The following AFDN variants were observed in gnomAD, a reference collection of about 807,000 sequenced individuals.
AFDN encodes the protein afadin.
In AFDN, 68 loss-of-function variants were observed where a neutral mutation model predicts 216.6. That is an observed-to-expected ratio of 0.31 (90% CI 0.26 to 0.38). The LOEUF is 0.38. Ranked by LOEUF, AFDN falls within the 10% of genes least tolerant of loss-of-function variation. The pLI is 1.00. For missense variants in AFDN, 2,136 were observed against 2,342.0 expected (o/e 0.91, Z 1.82); for synonymous variants, 868 against 853.7 (o/e 1.02, Z -0.29).
chr6:167,962,733 G>A lies in AFDN; in HGVS notation c.4968+166G>A. ...TTGGACCTGCAACTTTACCCCATCT[G>A]GCCCACCTACCTCTCTTCTGGACTG... is the stretch of plus-strand genomic sequence containing the variant. On this transcript the variant is annotated intron_variant, in intron 31 of 33. Transcript: ENST00000683244. The surrounding 1 kb of genome is among the most constrained non-coding windows in gnomAD (Gnocchi z 5.2). 1 of 1,502,620 alleles carries A rather than the reference G, an allele frequency of 6.7e-7. No individual in the cohort carries two copies. The highest frequency in any genetic ancestry group is 8.9e-7 in the Non-Finnish European group (1 of 1,129,672). 93.1% of individuals were successfully genotyped at this position (1,502,620 alleles called of 1,614,324 possible). A position where few individuals can be genotyped will look rare whatever the true frequency, so the allele number is the denominator to read the frequency against.
At position 167,970,422 on chromosome 6, in the gene AFDN, C is replaced by G. The variant is rs527979324; in HGVS notation, c.*487C>G. The G allele has an allele frequency of 4.5e-6, 1 of 220,300 alleles. No homozygotes were observed. The highest frequency in any genetic ancestry group is 9.1e-6 in the Non-Finnish European group (1 of 110,072). The allele number at this position is 220,300 out of a possible 1,614,324, so 13.6% of individuals were successfully genotyped here. ...AGTAGTGACCACACGCTCTTCTACCCGGGAAGGAACATATGACGACATGCT... is the reference window on the plus strand; with the variant it reads ...AGTAGTGACCACACGCTCTTCTACCGGGGAAGGAACATATGACGACATGCT... On this transcript the variant is annotated 3_prime_UTR_variant, in exon 34 of 34. Coordinates refer to ENST00000683244, the MANE Select transcript of AFDN (RefSeq NM_001386888.1).
chr6:167,919,077 AG>A, intron 21 of AFDN, 144 bp downstream of exon 21: 1 of 706,340 alleles, frequency 1.4e-6, no homozygotes, highest in East Asian at 2.7e-5. Flanking sequence ...ACTGACTTGG[AG>A]AAATATTTCA....
intron 31 of AFDN, chr6:167,964,055 C>G (rs1797294753): frequency 4.7e-6 from 5 of 1,064,418 alleles, no homozygotes; most frequent in Non-Finnish European, 5.7e-6. Flanking sequence ...GCAGAGAGGA[C>G]CAGGCCATGT....
intron 1 of AFDN, among the ~76,000 whole-genome samples, chr6:167,831,134 G>T (rs1183063973): frequency 6.6e-6 from 1 of 151,846 alleles, no homozygotes; most frequent in Non-Finnish European, 1.5e-5. Context: ...TAGAGACGGG[G>T]TTTTGCCATG....
chr6:167,827,138 G>A lies in AFDN; in HGVS notation c.6G>A (p.Ser2=), dbSNP rs1416779675. The stretch of plus-strand genomic sequence containing the variant: ...GAGGAGGCGCGGCCAGGACCATGTC[G>A]GCGGGCGGCCGTGACGAGGAGCGGC... The part of the protein sequence containing the change: M[S]AGGRDEERRK... Residue 2 remains serine, a synonymous_variant, in exon 1 of 34, where the codon TCG becomes TCA. Coordinates refer to ENST00000683244, the MANE Select transcript of AFDN (RefSeq NM_001386888.1). 1 of 1,285,116 alleles carries A rather than the reference G, an allele frequency of 7.8e-7. No individual in the cohort carries two copies. The allele number at this position is 1,285,116 out of a possible 1,614,324, so 79.6% of individuals were successfully genotyped here. A position where few individuals can be genotyped will look rare whatever the true frequency, so the allele number is the denominator to read the frequency against.
At chr6:167,884,496 G>A (rs1786531360) in intron 6 of AFDN, among the ~76,000 whole-genome samples, 2 of 152,212 alleles carry the variant, frequency 1.3e-5, no homozygotes, top group African/African-American at 4.8e-5. Context: ...TGTTGCTTTA[G>A]TAAGCATGAA....
In AFDN at chr6:167,913,367, G is replaced by A. The variant is rs551228036; in HGVS notation, c.2038-36G>A. On this transcript the variant is annotated intron_variant, in intron 15 of 33. Transcript: ENST00000683244. ...GATTGTTTACAAGTTTCTTTCTCTCGTTCTGCTTGATTTCCCCTCGTCTGT... is the reference window on the plus strand; with the variant it reads ...GATTGTTTACAAGTTTCTTTCTCTCATTCTGCTTGATTTCCCCTCGTCTGT... 33 of 1,533,834 alleles carry A rather than the reference G, an allele frequency of 2.2e-5. No individual in the cohort carries two copies. The African/African-American group carries it at 2.2e-4, about 10-fold the overall frequency.
At chr6:167,890,148 T>C (rs1056038634) in intron 7 of AFDN, among the ~76,000 whole-genome samples, 5 of 152,212 alleles carry the variant, frequency 3.3e-5, no homozygotes, top group African/African-American at 1.2e-4. Context: ...GTATTGCCAT[T>C]TAATCGTGTC....
chr6:167,942,421 C>A (rs1794804962), intron 23 of AFDN, among the ~76,000 whole-genome samples: 1 of 152,170 alleles, frequency 6.6e-6, no homozygotes, highest in Non-Finnish European at 1.5e-5. Flanking sequence ...AGTAAGATTT[C>A]ATGCGTAGGA....
At chr6:167,839,810 T>C (rs2128124189) in intron 1 of AFDN, among the ~76,000 whole-genome samples, 1 of 152,244 alleles carries the variant, frequency 6.6e-6, no homozygotes, top group East Asian at 1.9e-4. Flanking sequence ...ATGGCAGTAG[T>C]ATGGTAAATA....
In AFDN at chr6:167,946,628, C is replaced by T. The variant is rs776059887; in HGVS notation, c.3359-79C>T. The T allele has an allele frequency of 5.4e-6, 7 of 1,303,816 alleles. No homozygotes were observed. In the African/African-American group the frequency reaches 8.9e-5, roughly 17 times the overall value. 80.8% of individuals were successfully genotyped at this position (1,303,816 alleles called of 1,614,324 possible). ...ATCACCTTATTTCTTATGCTAAGAACAATTCTTATGGAATTTTAATGATAA... is the reference window on the plus strand; with the variant it reads ...ATCACCTTATTTCTTATGCTAAGAATAATTCTTATGGAATTTTAATGATAA... On this transcript the variant is annotated intron_variant, in intron 26 of 33. Coordinates refer to ENST00000683244, the MANE Select transcript of AFDN (RefSeq NM_001386888.1).
chr6:167,931,843 T>C (rs927709068), intron 23 of AFDN, among the ~76,000 whole-genome samples: 1 of 152,188 alleles, frequency 6.6e-6, no homozygotes, highest in Non-Finnish European at 1.5e-5. Flanking sequence ...CAGCATCACA[T>C]AGGATTCTGT....
intron 23 of AFDN, among the ~76,000 whole-genome samples, chr6:167,935,724 T>G (rs1793914070): frequency 6.6e-6 from 1 of 152,232 alleles, no homozygotes. Context: ...CTATTTAGCC[T>G]TTCTGGAGTT....
At position 167,915,170 on chromosome 6, in the gene AFDN, G is replaced by A; in HGVS notation, c.2302G>A (p.Asp768Asn). The A allele has an allele frequency of 1.2e-6, 2 of 1,613,972 alleles. No individual in the cohort carries two copies. Among genetic ancestry groups the A allele is most frequent in the Non-Finnish European group, 1.7e-6 (2 of 1,180,006 alleles). ...ENSLQRPKID[D>N]VLHTLTGAMS... ...GTCCTCTCACCCTGTCTGGGCAGAT[G>A]ATGTGCTGCACACGCTCACAGGAGC... The change falls in exon 19 of 34, where the codon GAT becomes AAT. Residue 768 changes from aspartate to asparagine, a missense_variant and splice_region_variant. Physicochemically the swap from Asp to Asn is conservative, Grantham distance 23 (BLOSUM62 1). This residue lies in a region of AFDN where 817 missense variants were observed against 965.7 expected (regional missense o/e 0.85). Coordinates refer to ENST00000683244, the MANE Select transcript of AFDN (RefSeq NM_001386888.1).
chr6:167,858,367 T>G (rs1387602839), intron 1 of AFDN, among the ~76,000 whole-genome samples: 1 of 152,246 alleles, frequency 6.6e-6, no homozygotes, highest in Non-Finnish European at 1.5e-5. Context: ...GAATTTTGTT[T>G]TATTTATAAC....
chr6:167,846,695 T>A (rs1292340873), intron 1 of AFDN, among the ~76,000 whole-genome samples: 111 of 143,884 alleles, frequency 7.7e-4, no homozygotes, highest in Non-Finnish European at 6.4e-4. Context: ...GTATAATATT[T>A]AAAAAAAAAA....
intron 8 of AFDN, among the ~76,000 whole-genome samples, chr6:167,891,642 A>G (rs1346762985): frequency 2.6e-5 from 4 of 152,128 alleles, no homozygotes; most frequent in Admixed American, 6.6e-5. Flanking sequence ...CAGGTTAGCC[A>G]TTGAGTAGAG....
At chr6:167,861,877 A>G (rs1395851151) in intron 1 of AFDN, among the ~76,000 whole-genome samples, 1 of 152,218 alleles carries the variant, frequency 6.6e-6, no homozygotes, top group Admixed American at 6.5e-5. Flanking sequence ...AACTAATGTA[A>G]AACTATTTTG....
intron 20 of AFDN, 31 bp from the exon 21 acceptor site, chr6:167,918,704 C>CT (rs1490924609): frequency 6.2e-7 from 1 of 1,610,538 alleles, no homozygotes; most frequent in African/African-American, 1.3e-5. Flanking sequence ...GTGAGCATCT[C>CT]TTTTTAATTT....
Sources: allele counts gnomAD v4.1 joint callset (sites outside exome capture counted in the v4.1 genomes callset), GRCh38; gene constraint gnomAD v4.1.1; regional missense constraint gnomAD v4.1.1; non-coding constraint Gnocchi (gnomAD v3.1); transcripts MANE v1.5; gene names NCBI Gene and HGNC (gene_info 2026-07-23, HGNC 2026-07-21).